RBFOX1: variants seen among roughly 807,000 people sequenced by gnomAD.
RBFOX1 encodes the protein RNA binding fox-1 homolog 1.
In RBFOX1, 8 loss-of-function variants were observed where a neutral mutation model predicts 57.7. The ratio of observed to expected loss-of-function variants is 0.14; its 90% CI spans 0.08 to 0.25. RBFOX1 has a LOEUF of 0.25. Ranked by LOEUF, RBFOX1 falls within the 10% of genes least tolerant of loss-of-function variation. The pLI, the probability that RBFOX1 is intolerant of heterozygous loss-of-function variation, is 1.00. For synonymous variants in RBFOX1, 326 were observed against 222.4 expected, an observed-to-expected ratio of 1.47 and a Z score of -4.15; for missense variants, 611 against 548.5, an observed-to-expected ratio of 1.11 and a Z score of -1.14.
chr16:5,782,050 T>C (rs2054341145), intron 3 of RBFOX1, among the ~76,000 whole-genome samples: 1 of 152,080 alleles, frequency 6.6e-6, no homozygotes, highest in Non-Finnish European at 1.5e-5. Flanking sequence ...CTACTAAAAA[T>C]AGAGAAAGAC....
chr16:5,802,134 T>C (rs1328920595), intron 3 of RBFOX1, among the ~76,000 whole-genome samples: 1 of 152,180 alleles, frequency 6.6e-6, no homozygotes, highest in African/African-American at 2.4e-5. Context: ...AAGACGTTCC[T>C]GGTGAGGTTT....
At chr16:6,986,191 T>TATTTATTTATTTATTTATTTA (rs2090224657) in intron 3 of RBFOX1, among the ~76,000 whole-genome samples, 1 of 147,366 alleles carries the variant, frequency 6.8e-6, no homozygotes, top group African/African-American at 2.6e-5. Flanking sequence ...TATTTTTATT[T>TATTTATTTATTTATTTATTTA]ATTTATTTAT....
At chr16:5,478,000 C>G (rs1250897237) in intron 2 of RBFOX1, among the ~76,000 whole-genome samples, 3 of 152,128 alleles carry the variant, frequency 2.0e-5, no homozygotes, top group East Asian at 1.9e-4. Context: ...TCTAGGTAAC[C>G]CTTCCTTTTG....
At chr16:6,548,209 T>C (rs1469481514) in intron 2 of RBFOX1, among the ~76,000 whole-genome samples, 1 of 152,198 alleles carries the variant, frequency 6.6e-6, no homozygotes, top group Admixed American at 6.5e-5. Flanking sequence ...TTATTTATAA[T>C]CTCCATCAGT....
At chr16:6,921,864 G>C (rs1353865916) in intron 3 of RBFOX1, among the ~76,000 whole-genome samples, 1 of 151,982 alleles carries the variant, frequency 6.6e-6, no homozygotes, top group Non-Finnish European at 1.5e-5. Flanking sequence ...CAAGTCCCAG[G>C]TCTACCCATA....
At chr16:5,721,930 C>T (rs1427081197) in intron 3 of RBFOX1, among the ~76,000 whole-genome samples, 2 of 152,178 alleles carry the variant, frequency 1.3e-5, no homozygotes, top group Non-Finnish European at 2.9e-5. Flanking sequence ...TTTTATGCTC[C>T]TTTATTGAGG....
At position 5,838,862 on chromosome 16, in the gene RBFOX1, A is replaced by G. The variant is rs555894846; in HGVS notation, c.319-28441A>G. On this transcript the variant is annotated intron_variant, in intron 3 of 19. Coordinates refer to the RBFOX1 transcript ENST00000641259. ...GACTACCTCAGTGAGCTCTCACACC[A>G]TTTTACAAATCAGGAAAGAGAAACC... Among the ~76,000 whole-genome samples, 14 of 152,318 alleles carry G rather than the reference A, an allele frequency of 9.2e-5. No individual in the cohort carries two copies. In the South Asian group the frequency reaches 1.0e-3, roughly 11 times the overall value.
intron 5 of RBFOX1, among the ~76,000 whole-genome samples, chr16:7,567,140 C>CATATATATCCCTATAT (rs1555611714): frequency 8.7e-5 from 5 of 57,682 alleles, no homozygotes; most frequent in East Asian, 3.4e-4. Context: ...TATGTATATC[C>CATATATATCCCTATAT]ATATATATCC....
intron 4 of RBFOX1, among the ~76,000 whole-genome samples, chr16:7,345,093 T>C (rs1451863573): frequency 6.6e-6 from 1 of 152,160 alleles, no homozygotes; most frequent in Non-Finnish European, 1.5e-5. Context: ...TTCAAGACCT[T>C]TATTTTTGGT....
intron 4 of RBFOX1, chr16:7,431,220 A>G (rs1328299217): frequency 3.3e-5 from 5 of 151,868 alleles, no homozygotes; most frequent in African/African-American, 9.7e-5. Flanking sequence ...CATGTCTTTT[A>G]TTATTATTGT....
At position 7,353,191 on chromosome 16, in the gene RBFOX1, C is replaced by G. The variant is rs186857902; in HGVS notation, c.28-164956C>G. 5.6e-3 allele frequency among the ~76,000 whole-genome samples: 851 copies of G among 152,144 alleles called. 13 individuals carry two copies. The highest frequency in any genetic ancestry group is 3.5e-3 in the Non-Finnish European group (238 of 68,002). The stretch of plus-strand genomic sequence containing the variant: ...GTAGCCTAAATTGATTCACAAAAAC[C>G]ATACTTTTCGTCTCTAATTTAACTG... On this transcript the variant is annotated intron_variant, in intron 4 of 15. Transcript: ENST00000550418.
intron 4 of RBFOX1, among the ~76,000 whole-genome samples, chr16:7,343,600 G>C (rs2096938455): frequency 6.6e-6 from 1 of 152,194 alleles, no homozygotes; most frequent in Admixed American, 6.5e-5. Flanking sequence ...AGCAGCTGCT[G>C]TTTTTAGGCA....
chr16:6,562,880 C>CTTTCTTTTTT (rs746999419), intron 2 of RBFOX1, among the ~76,000 whole-genome samples: 5 of 51,772 alleles, frequency 9.7e-5, no homozygotes, highest in East Asian at 9.1e-4. Context: ...TTCTTTCTTT[C>CTTTCTTTTTT]TTTTTTTTTT....
chr16:6,133,956 A>T (rs1224271359), intron 1 of RBFOX1, among the ~76,000 whole-genome samples: 2 of 151,236 alleles, frequency 1.3e-5, no homozygotes, highest in Admixed American at 1.3e-4. Flanking sequence ...TTTTTTTTGG[A>T]ATTGGAGTCT....
At chr16:5,627,773 T>C (rs1040692692) in intron 3 of RBFOX1, among the ~76,000 whole-genome samples, 4 of 152,194 alleles carry the variant, frequency 2.6e-5, no homozygotes, top group Non-Finnish European at 4.4e-5. Context: ...GTATTGAATA[T>C]TATAAGTAAT....
chr16:5,451,178 C>G (rs2068415896), intron 1 of RBFOX1, among the ~76,000 whole-genome samples: 1 of 152,178 alleles, frequency 6.6e-6, no homozygotes, highest in Non-Finnish European at 1.5e-5. Flanking sequence ...CAGAGCTCTT[C>G]TTCCTCTGCT....
chr16:7,277,129 T>G (rs2095455899), intron 4 of RBFOX1, among the ~76,000 whole-genome samples: 1 of 152,256 alleles, frequency 6.6e-6, no homozygotes, highest in Admixed American at 6.5e-5. Flanking sequence ...ACTGCTGTTC[T>G]GTTCTCAGAA....
At chr16:6,300,095 G>A (rs1300003529) in intron 1 of RBFOX1, among the ~76,000 whole-genome samples, 1 of 152,124 alleles carries the variant, frequency 6.6e-6, no homozygotes, top group African/African-American at 2.4e-5. Flanking sequence ...AGGCACAGGG[G>A]AACAAATACT....
At chr16:6,995,765 A>T (rs1263817348) in intron 3 of RBFOX1, among the ~76,000 whole-genome samples, 1 of 152,106 alleles carries the variant, frequency 6.6e-6, no homozygotes, top group Non-Finnish European at 1.5e-5. Context: ...CATCTTAAAA[A>T]AATAATAATA....
Sources: allele counts gnomAD v4.1 joint callset (sites outside exome capture counted in the v4.1 genomes callset), GRCh38; gene constraint gnomAD v4.1.1; transcripts MANE v1.5; gene names NCBI Gene and HGNC (gene_info 2026-07-23, HGNC 2026-07-21).